GLDN: variants seen among roughly 807,000 people sequenced by gnomAD.
GLDN encodes the protein collomin.
In GLDN, 47 loss-of-function variants were observed where a neutral mutation model predicts 56.5. The observed-to-expected ratio is 0.83, with a 90% confidence interval of 0.66 to 1.06. GLDN has a LOEUF of 1.06. GLDN is among the 50% of genes least tolerant of loss of function. GLDN has a pLI of 0.00. For missense variants in GLDN, 782 were observed against 714.3 expected, an observed-to-expected ratio of 1.09 and a Z score of -1.08; for synonymous variants, 332 against 278.8, an observed-to-expected ratio of 1.19 and a Z score of -1.90.
chr15:51,366,468 C>A (rs1395507287), intron 1 of GLDN, among the ~76,000 whole-genome samples: 4 of 152,208 alleles, frequency 2.6e-5, no homozygotes, highest in African/African-American at 9.7e-5. Flanking sequence ...TTATAATGAC[C>A]AATGACAACT....
intron 1 of GLDN, among the ~76,000 whole-genome samples, chr15:51,355,931 G>T (rs1409291092): frequency 2.0e-5 from 3 of 150,998 alleles, no homozygotes; most frequent in Non-Finnish European, 4.4e-5. Context: ...ACCTCAGCCG[G>T]GTGTGGTGGC....
rs151146035 is a variant in GLDN, at chr15:51,344,519, GAAGTT to G, written c.363+2476_363+2480del. The stretch of plus-strand genomic sequence containing the variant: ...AACATCATTTGGTAGCTCTTGGAGA[GAAGTT>G]AAGAGAATGATCTAGTATATATCGT... On this transcript the variant is annotated intron_variant, in intron 1 of 9. Transcript: ENST00000335449. Among the ~76,000 whole-genome samples the G allele has an allele frequency of 3.7e-3, 566 of 152,222 alleles. 5 individuals are homozygous for G. The highest frequency in any genetic ancestry group is 0.013 in the African/African-American group (552 of 41,512).
At chr15:51,342,239 A>G (rs1450250783) in intron 1 of GLDN, among the ~76,000 whole-genome samples, 192 bp downstream of exon 1, 1 of 152,202 alleles carries the variant, frequency 6.6e-6, no homozygotes, top group African/African-American at 2.4e-5. Flanking sequence ...CTCATCTGTG[A>G]GGTTGGGGAC....
chr15:51,410,351 C>T (rs1224801208), downstream of GLDN, among the ~76,000 whole-genome samples: 1 of 152,142 alleles, frequency 6.6e-6, no homozygotes, highest in Admixed American at 6.5e-5. Flanking sequence ...AGCTGTCAGC[C>T]CCTACAGAAA....
At chr15:51,363,741 G>C (rs1464291055) in intron 1 of GLDN, among the ~76,000 whole-genome samples, 1 of 152,258 alleles carries the variant, frequency 6.6e-6, no homozygotes, top group East Asian at 1.9e-4. Flanking sequence ...AATCTTGAAG[G>C]ATGGGAGAGG....
chr15:51,349,405 G>C (rs1299329920), intron 1 of GLDN, among the ~76,000 whole-genome samples: 1 of 152,232 alleles, frequency 6.6e-6, no homozygotes, highest in African/African-American at 2.4e-5. Flanking sequence ...AGTCTAGCCT[G>C]CTATTCTACT....
At chr15:51,342,398 G>A (rs777065874) in intron 1 of GLDN, among the ~76,000 whole-genome samples, 19 of 152,224 alleles carry the variant, frequency 1.2e-4, no homozygotes, top group Non-Finnish European at 2.2e-4. Context: ...CAGCAGCCTT[G>A]GGGCTCCGCC....
At chr15:51,369,769 T>C (rs2037478031) in intron 1 of GLDN, among the ~76,000 whole-genome samples, 1 of 152,182 alleles carries the variant, frequency 6.6e-6, no homozygotes, top group Non-Finnish European at 1.5e-5. Context: ...AAAAGTACAC[T>C]AAAGCAAAAA....
intron 1 of GLDN, among the ~76,000 whole-genome samples, chr15:51,368,329 C>T (rs1056885979): frequency 2.0e-5 from 3 of 151,926 alleles, no homozygotes; most frequent in African/African-American, 4.8e-5. Flanking sequence ...AGTGACTGGC[C>T]ACGCTGCTGG....
intron 1 of GLDN, among the ~76,000 whole-genome samples, chr15:51,374,734 T>TC (rs1199991138): frequency 7.8e-6 from 1 of 127,508 alleles, no homozygotes; most frequent in Non-Finnish European, 1.6e-5. Flanking sequence ...TTCTTTCTTT[T>TC]CCTTTTTTTT....
chr15:51,379,605 G>A (rs2141092659), intron 2 of GLDN, among the ~76,000 whole-genome samples: 1 of 152,298 alleles, frequency 6.6e-6, no homozygotes, highest in East Asian at 1.9e-4. Flanking sequence ...TCTGCAGACT[G>A]ATTTGTTTTT....
chr15:51,365,548 C>A (rs1023963629), intron 1 of GLDN, among the ~76,000 whole-genome samples: 1 of 152,000 alleles, frequency 6.6e-6, no homozygotes, highest in African/African-American at 2.4e-5. Context: ...TATCATTATT[C>A]CCATTTTACA....
At chr15:51,361,974 G>T (rs922504358) in intron 1 of GLDN, among the ~76,000 whole-genome samples, 3 of 152,054 alleles carry the variant, frequency 2.0e-5, no homozygotes, top group South Asian at 2.1e-4. Context: ...ATTAGGGAGG[G>T]GTAATAGGAA....
chr15:51,404,860 A>G lies in GLDN; in HGVS notation c.*106A>G. ...AACGTCAGCCAGATATTTAGAAAAT[A>G]ACCTCAAAAGTGTTTATATGGTCAG... On this transcript the variant is annotated 3_prime_UTR_variant, in exon 10 of 10. Transcript: ENST00000335449. 1.5e-6 allele frequency: 1 copy of G among 688,698 alleles called. No homozygotes were observed. The highest frequency in any genetic ancestry group is 1.7e-5 in the South Asian group (1 of 57,472). 42.7% of individuals were successfully genotyped at this position (688,698 alleles called of 1,614,324 possible).
intron 1 of GLDN, among the ~76,000 whole-genome samples, chr15:51,371,746 G>A (rs1023448285): frequency 3.3e-5 from 5 of 152,104 alleles, no homozygotes; most frequent in South Asian, 2.1e-4. Flanking sequence ...GCAGTGGCTC[G>A]ATCTCAGCTC....
intron 1 of GLDN, among the ~76,000 whole-genome samples, chr15:51,347,192 A>G (rs1313472777): frequency 6.6e-6 from 1 of 152,136 alleles, no homozygotes; most frequent in East Asian, 1.9e-4. Flanking sequence ...AGCAACAGAA[A>G]TGAGAATCCA....
chr15:51,403,625 A>AT (rs1480886239), intron 9 of GLDN, among the ~76,000 whole-genome samples: 1 of 152,208 alleles, frequency 6.6e-6, no homozygotes, highest in African/African-American at 2.4e-5. Flanking sequence ...CCATAGTTTA[A>AT]TGTATCCAGC....
At chr15:51,361,798 C>T (rs961652743) in intron 1 of GLDN, among the ~76,000 whole-genome samples, 4 of 152,088 alleles carry the variant, frequency 2.6e-5, no homozygotes, top group East Asian at 1.9e-4. Flanking sequence ...GGCGTGATTG[C>T]GCATGCTTGT....
At chr15:51,390,710 C>T (rs1405985762) in intron 4 of GLDN, among the ~76,000 whole-genome samples, 1 of 152,176 alleles carries the variant, frequency 6.6e-6, no homozygotes. Flanking sequence ...TTGACCTCAA[C>T]CCCGAGATAT....
Sources: allele counts gnomAD v4.1 joint callset (sites outside exome capture counted in the v4.1 genomes callset), GRCh38; gene constraint gnomAD v4.1.1; transcripts MANE v1.5; gene names NCBI Gene and HGNC (gene_info 2026-07-23, HGNC 2026-07-21).